The following SPATA13 variants were observed in gnomAD, a reference collection of about 807,000 sequenced individuals.
The protein encoded by SPATA13 is spermatogenesis associated 13, also known as spermatogenesis-associated protein 13.
A neutral mutation model predicts 104.0 loss-of-function variants in SPATA13; 50 were observed. That is an observed-to-expected ratio of 0.48 (90% CI 0.38 to 0.61). SPATA13 has a LOEUF of 0.61. SPATA13 is among the 20% of genes least tolerant of loss of function. The probability of loss-of-function intolerance (pLI) is 0.00; values close to 1 mark genes in which losing one functional copy is unlikely to be tolerated. For missense variants in SPATA13, 1,524 were observed against 1,690.6 expected (o/e 0.90, Z 1.73); for synonymous variants, 606 against 667.5 (o/e 0.91, Z 1.42).
intron 4 of SPATA13, among the ~76,000 whole-genome samples, chr13:24,271,694 T>C (rs1874623421): frequency 6.6e-6 from 1 of 152,196 alleles, no homozygotes; most frequent in Non-Finnish European, 1.5e-5. Flanking sequence ...ATGGATACAA[T>C]AGGATGCTTT....
chr13:24,215,332 C>T (rs1003455240), intron 1 of SPATA13, among the ~76,000 whole-genome samples: 5 of 152,214 alleles, frequency 3.3e-5, no homozygotes, highest in Admixed American at 1.3e-4. Context: ...GGCATTTCAG[C>T]AACTGCTTTA....
rs552433230 is a variant in SPATA13 at position 24,014,558 on chromosome 13, C to A, written c.-146-3109C>A. On this transcript the variant is annotated intron_variant, in intron 2 of 14. Coordinates refer to the SPATA13 transcript ENST00000424834. The stretch of plus-strand genomic sequence containing the variant: ...GCTAGAGAAAATAATATTTGAAAAT[C>A]ATAAGAAAGAGAAAATATATTTATT... Among the ~76,000 whole-genome samples, 171 of 152,248 alleles carry A rather than the reference C, an allele frequency of 1.1e-3. 3 individuals carry two copies. The highest frequency in any genetic ancestry group is 3.7e-3 in the African/African-American group (155 of 41,552).
chr13:24,027,742 C>T (rs555046758), intron 3 of SPATA13, among the ~76,000 whole-genome samples: 4 of 152,244 alleles, frequency 2.6e-5, no homozygotes, highest in Admixed American at 6.5e-5. Context: ...TTCATATACT[C>T]GAAATTGGGT....
chr13:24,213,558 C>A (rs1871137830), intron 1 of SPATA13, among the ~76,000 whole-genome samples: 1 of 152,212 alleles, frequency 6.6e-6, no homozygotes, highest in Non-Finnish European at 1.5e-5. Flanking sequence ...AGCCACCATG[C>A]CCGGCCAGGG....
At chr13:24,123,766 G>A in intron 3 of SPATA13, 1 of 1,319,956 alleles carries the variant, frequency 7.6e-7, no homozygotes, top group Non-Finnish European at 1.1e-6. Flanking sequence ...CCTTGTATAT[G>A]GGGCTTTGGA....
intron 12 of SPATA13, among the ~76,000 whole-genome samples, chr13:24,301,939 T>C (rs1015476580): frequency 6.6e-6 from 1 of 152,212 alleles, no homozygotes; most frequent in Non-Finnish European, 1.5e-5. Context: ...AATCCCCGTT[T>C]TAGGGATTGG....
intron 1 of SPATA13, among the ~76,000 whole-genome samples, chr13:24,163,543 C>A (rs1418639056): frequency 1.3e-5 from 2 of 152,192 alleles, no homozygotes; most frequent in East Asian, 3.8e-4. Flanking sequence ...TATTTATATC[C>A]ATTTCATTAT....
intron 1 of SPATA13, among the ~76,000 whole-genome samples, chr13:24,179,447 A>T (rs918545279): frequency 4.6e-5 from 7 of 152,232 alleles, no homozygotes; most frequent in Admixed American, 1.3e-4. Context: ...TTAAAAATTT[A>T]AAAATTGTGG....
At chr13:24,097,882 T>C (rs985180338) in intron 3 of SPATA13, among the ~76,000 whole-genome samples, 6 of 152,030 alleles carry the variant, frequency 3.9e-5, no homozygotes, top group African/African-American at 7.3e-5. Flanking sequence ...AGAATCAAAT[T>C]AAACATGAAA....
At chr13:24,244,894 G>GTTT (rs1873032506) in intron 2 of SPATA13, among the ~76,000 whole-genome samples, 2 of 152,208 alleles carry the variant, frequency 1.3e-5, no homozygotes, top group African/African-American at 4.8e-5. Context: ...AGAAGCAAGA[G>GTTT]TTAAAAGGGC....
At chr13:24,027,323 C>T (rs112321813) in intron 3 of SPATA13, among the ~76,000 whole-genome samples, 36,788 of 151,352 alleles carry the variant, frequency 0.24, 4,761 homozygotes, top group Admixed American at 0.29. Context: ...TTAGTAGAGA[C>T]GGCGTTTCAC....
chr13:24,003,152 C>T (rs78617349), intron 2 of SPATA13, among the ~76,000 whole-genome samples: 4,877 of 152,120 alleles, frequency 0.032, 181 homozygotes, highest in African/African-American at 0.088. Flanking sequence ...ATTTTCCCCA[C>T]GCTGGTCTAT....
intron 1 of SPATA13, among the ~76,000 whole-genome samples, chr13:24,163,255 C>G (rs988386537): frequency 2.0e-5 from 3 of 152,086 alleles, no homozygotes; most frequent in Non-Finnish European, 4.4e-5. Flanking sequence ...AAGAAATCAG[C>G]TGGTTGTGAT....
rs1221510495 is a variant in SPATA13, at chr13:24,205,108, A to C, written c.-111-17711A>C. ...TCTGGCCAAAGCAGTCAGGCAAGAG[A>C]AAGAAATAAATGACATCCAAATAGG... On this transcript the variant is annotated intron_variant, in intron 1 of 12. Coordinates refer to ENST00000382108, the MANE Select transcript of SPATA13 (RefSeq NM_001166271.3). This position sits in a 1 kb window ranked among gnomAD's most constrained non-coding sequence, Gnocchi z 4.1. Among the ~76,000 whole-genome samples, 1 of 152,220 alleles carries C rather than the reference A, an allele frequency of 6.6e-6. No individual in the cohort carries two copies. Among genetic ancestry groups the C allele is most frequent in the African/African-American group, 2.4e-5 (1 of 41,454 alleles).
At chr13:23,988,086 G>A (rs1210993760) in intron 2 of SPATA13, among the ~76,000 whole-genome samples, 1 of 151,996 alleles carries the variant, frequency 6.6e-6, no homozygotes, top group East Asian at 1.9e-4. Context: ...TGGGATTACA[G>A]GCACCTACCA....
Position 24,289,235 on chromosome 13 carries a change from A to G in SPATA13, c.2847+57A>G, listed in dbSNP as rs912419753. 5 of 1,411,490 alleles carry G rather than the reference A, an allele frequency of 3.5e-6. No individual in the cohort carries two copies. The East Asian group carries it at 6.9e-5, about 19-fold the overall frequency. The allele number at this position is 1,411,490 out of a possible 1,614,324, so 87.4% of individuals were successfully genotyped here. A position where few individuals can be genotyped will look rare whatever the true frequency, so the allele number is the denominator to read the frequency against. ...ATCTGCTTACATAATTTTGAAGTGC[A>G]TCTCCACAGAAAACAGGAGTCTCTT... On this transcript the variant is annotated intron_variant, in intron 8 of 12. Coordinates refer to ENST00000382108, the MANE Select transcript of SPATA13 (RefSeq NM_001166271.3).
chr13:24,177,044 C>CACG (rs1464648244), intron 1 of SPATA13, among the ~76,000 whole-genome samples: 7 of 152,130 alleles, frequency 4.6e-5, no homozygotes, highest in Admixed American at 1.3e-4. Flanking sequence ...GGATTACAGG[C>CACG]ACGAGCTGCC....
At position 24,001,812 on chromosome 13, in the gene SPATA13, G is replaced by T. The variant is rs982458845; in HGVS notation, c.-146-15855G>T. On this transcript the variant is annotated intron_variant, in intron 2 of 14. Transcript: ENST00000424834. ...GGCCGGGAGGTGAGGGAGCAGGGGTGAGGACTGAGCAGGTGATCTGTGGGG... is the reference window on the plus strand; with the variant it reads ...GGCCGGGAGGTGAGGGAGCAGGGGTTAGGACTGAGCAGGTGATCTGTGGGG... 2.0e-5 allele frequency among the ~76,000 whole-genome samples: 3 copies of T among 152,090 alleles called. No homozygotes were observed. The East Asian group carries it at 5.8e-4, about 29-fold the overall frequency.
intron 3 of SPATA13, among the ~76,000 whole-genome samples, chr13:24,094,628 G>A (rs1593325334): frequency 6.6e-6 from 1 of 152,138 alleles, no homozygotes; most frequent in Non-Finnish European, 1.5e-5. Context: ...GTGTGGTGGT[G>A]CACACCTGTA....
Sources: allele counts gnomAD v4.1 joint callset (sites outside exome capture counted in the v4.1 genomes callset), GRCh38; gene constraint gnomAD v4.1.1; non-coding constraint Gnocchi (gnomAD v3.1); transcripts MANE v1.5; gene names NCBI Gene and HGNC (gene_info 2026-07-23, HGNC 2026-07-21).